The following IL23R variants were observed in gnomAD, a reference collection of about 807,000 sequenced individuals.
IL23R encodes the protein interleukin 23 receptor.
IL23R carries 34 observed loss-of-function variants against 56.9 expected under a neutral mutation model. That is an observed-to-expected ratio of 0.60 (90% CI 0.45 to 0.80). The LOEUF is 0.80. Ranked by LOEUF, IL23R falls within the 30% of genes least tolerant of loss-of-function variation. IL23R has a pLI of 0.00. For synonymous variants in IL23R, 230 were observed against 249.2 expected (o/e 0.92, Z 0.73); for missense variants, 635 against 730.0 (o/e 0.87, Z 1.50).
rs5774856 is a variant in IL23R at position 67,204,769 on chromosome 1, A to ATTT, written c.653-2129_653-2127dup. Among the ~76,000 whole-genome samples, 332 of 143,760 alleles carry ATTT rather than the reference A, an allele frequency of 2.3e-3. 1 individual carries two copies. The highest frequency in any genetic ancestry group is 6.6e-3 in the East Asian group (32 of 4,854). The allele number at this position is 143,760 out of a possible 152,430, so 94.3% of individuals were successfully genotyped here. ...CCTTGACTCTAGAATCTCAATACTG[A>ATTT]TTTTTTTTTTTTTTCCAGGGTTGGG... On this transcript the variant is annotated intron_variant, in intron 5 of 10. Coordinates refer to ENST00000347310, the MANE Select transcript of IL23R (RefSeq NM_144701.3).
rs1647171300 is a variant in IL23R at position 67,182,828 on chromosome 1, T to C, written c.368-8T>C. The C allele has an allele frequency of 1.9e-6, 3 of 1,613,850 alleles. No homozygotes were observed. Among genetic ancestry groups the C allele is most frequent in the Non-Finnish European group, 2.5e-6 (3 of 1,179,876 alleles). On this transcript the variant is annotated splice_region_variant and splice_polypyrimidine_tract_variant and intron_variant, in intron 3 of 10. Coordinates refer to ENST00000347310, the MANE Select transcript of IL23R (RefSeq NM_144701.3). ...ACAGCACCTCCTAAGTGTTATGTTT[T>C]GTTGCAGATCCGCCAGATATTCCTG...
intron 1 of IL23R, among the ~76,000 whole-genome samples, chr1:67,157,701 T>C (rs1162875719): frequency 3.3e-5 from 5 of 152,246 alleles, no homozygotes; most frequent in Non-Finnish European, 7.3e-5. Context: ...GCTCAAATAT[T>C]GTATTTCAGA....
chr1:67,168,440 G>A (rs1025316501), intron 2 of IL23R, among the ~76,000 whole-genome samples: 1 of 152,152 alleles, frequency 6.6e-6, no homozygotes, highest in African/African-American at 2.4e-5. Context: ...CCACAAAGGA[G>A]CTTATTAGTT....
At chr1:67,207,109 A>G in intron 6 of IL23R, 54 bp downstream of exon 6, 1 of 1,545,138 alleles carries the variant, frequency 6.5e-7, no homozygotes, top group Admixed American at 1.7e-5. Flanking sequence ...TTAAAAGCCA[A>G]CCATCAGTGG....
intron 9 of IL23R, among the ~76,000 whole-genome samples, chr1:67,249,754 A>C (rs1391093602): frequency 6.6e-6 from 1 of 152,140 alleles, no homozygotes; most frequent in Non-Finnish European, 1.5e-5. Context: ...TTGAAGCTGA[A>C]ATTTCATTTT....
At chr1:67,185,760 T>C (rs1647289484) in intron 4 of IL23R, among the ~76,000 whole-genome samples, 2 of 152,240 alleles carry the variant, frequency 1.3e-5, no homozygotes, top group African/African-American at 4.8e-5. Context: ...GCAAGAGGCG[T>C]ACACCTTTCA....
intron 6 of IL23R, among the ~76,000 whole-genome samples, chr1:67,216,595 C>T (rs1281860729): frequency 6.6e-6 from 1 of 152,158 alleles, no homozygotes; most frequent in Non-Finnish European, 1.5e-5. Flanking sequence ...AATGAATGGG[C>T]ATAGTCTGTT....
chr1:67,219,744 T>C lies in IL23R; in HGVS notation c.955+14T>C, dbSNP rs909615607. 4.3e-6 allele frequency: 7 copies of C among 1,610,266 alleles called. No individual in the cohort carries two copies. The highest frequency in any genetic ancestry group is 5.1e-6 in the Non-Finnish European group (6 of 1,176,504). On this transcript the variant is annotated intron_variant, in intron 7 of 10. Coordinates refer to ENST00000347310, the MANE Select transcript of IL23R (RefSeq NM_144701.3). ...CACCTGAAACAGGTGAGTGTACTTA[T>C]ATATTTTATTCTGTTGGGCTTTTCT...
chr1:67,204,561 G>A (rs1385348858), intron 5 of IL23R, among the ~76,000 whole-genome samples: 1 of 152,102 alleles, frequency 6.6e-6, no homozygotes, highest in Non-Finnish European at 1.5e-5. Context: ...AGACTAAACA[G>A]ATTTTTACTT....
intron 1 of IL23R, among the ~76,000 whole-genome samples, chr1:67,146,284 C>T (rs900305394): frequency 1.3e-4 from 20 of 152,110 alleles, no homozygotes; most frequent in Admixed American, 9.8e-4. Context: ...AAAGTCTTTG[C>T]CACTGCCACA....
At chr1:67,166,601 A>C (rs1000732894) in intron 1 of IL23R, 60 bp downstream of exon 1, 3 of 152,366 alleles carry the variant, frequency 2.0e-5, no homozygotes, top group African/African-American at 4.8e-5. Context: ...TTGGAAATAC[A>C]TGGGCCAAGT....
At chr1:67,152,826 G>C (rs907371211) in intron 1 of IL23R, among the ~76,000 whole-genome samples, 1 of 152,182 alleles carries the variant, frequency 6.6e-6, no homozygotes, top group Admixed American at 6.5e-5. Flanking sequence ...TAAGCTTTTT[G>C]ATGTGCTCCT....
chr1:67,262,774 T>A (rs1275600341), downstream of IL23R, among the ~76,000 whole-genome samples: 2 of 152,098 alleles, frequency 1.3e-5, no homozygotes, highest in African/African-American at 4.8e-5. Flanking sequence ...AAGGGGCATG[T>A]CCTGCTTCTT....
At position 67,258,663 on chromosome 1, in the gene IL23R, A is replaced by G; in HGVS notation, c.1425A>G (p.Val475=). The part of the protein sequence containing the change: ...QNSLFDNTTV[V]YIPDLNTGYK... ...CGCTATTCGACAATACTACAGTTGTATATATTCCTGATCTCAACACTGGAT... is the reference window on the plus strand; with the variant it reads ...CGCTATTCGACAATACTACAGTTGTGTATATTCCTGATCTCAACACTGGAT... The change falls in exon 11 of 11, where the codon GTA becomes GTG. Residue 475 remains valine, a synonymous_variant. Coordinates refer to ENST00000347310, the MANE Select transcript of IL23R (RefSeq NM_144701.3). The G allele has an allele frequency of 3.1e-6, 5 of 1,614,014 alleles. No homozygotes were observed. The highest frequency in any genetic ancestry group is 4.2e-6 in the Non-Finnish European group (5 of 1,179,950).
intron 3 of IL23R, among the ~76,000 whole-genome samples, chr1:67,169,910 A>G (rs1158309883): frequency 1.3e-5 from 2 of 152,140 alleles, no homozygotes; most frequent in Non-Finnish European, 2.9e-5. Context: ...TTTAATGTGT[A>G]CTCTCTAAAT....
intron 1 of IL23R, among the ~76,000 whole-genome samples, chr1:67,153,707 G>A (rs1463072749): frequency 3.3e-5 from 5 of 151,964 alleles, no homozygotes; most frequent in Admixed American, 6.6e-5. Context: ...GTTATTTACC[G>A]AAGAGTCATT....
intron 1 of IL23R, among the ~76,000 whole-genome samples, chr1:67,154,386 G>A (rs1646754053): frequency 1.3e-5 from 2 of 152,118 alleles, no homozygotes; most frequent in Non-Finnish European, 2.9e-5. Flanking sequence ...TATTGTGTGG[G>A]AGTCTAAGTC....
At chr1:67,240,111 G>A (rs1306125837) in intron 8 of IL23R, 68 bp from the exon 9 acceptor site, 1 of 1,112,586 alleles carries the variant, frequency 9.0e-7, no homozygotes, top group Non-Finnish European at 1.4e-6. Context: ...AGAGTAAAGA[G>A]AATAGTAATT....
chr1:67,153,366 C>T (rs374360616), intron 1 of IL23R, among the ~76,000 whole-genome samples: 10 of 151,988 alleles, frequency 6.6e-5, no homozygotes, highest in Non-Finnish European at 1.3e-4. Flanking sequence ...GGCTAGCTAG[C>T]GGTCTATTTT....
Sources: allele counts gnomAD v4.1 joint callset (sites outside exome capture counted in the v4.1 genomes callset), GRCh38; gene constraint gnomAD v4.1.1; transcripts MANE v1.5; gene names NCBI Gene and HGNC (gene_info 2026-07-23, HGNC 2026-07-21).